RWDD4: variants seen among roughly 807,000 people sequenced by gnomAD.
RWDD4 encodes the protein RWD domain containing 4.
A neutral mutation model predicts 30.0 loss-of-function variants in RWDD4; 16 were observed. The observed-to-expected ratio is 0.53, with a 90% CI of 0.36 to 0.81. The LOEUF is 0.81. Ranked by LOEUF, RWDD4 falls within the 30% of genes least tolerant of loss-of-function variation. The pLI is 0.00. For synonymous variants in RWDD4, 45 were observed against 72.1 expected, an observed-to-expected ratio of 0.62 and a Z score of 1.90; for missense variants, 170 against 223.9, an observed-to-expected ratio of 0.76 and a Z score of 1.54.
chr4:183,648,418 T>C (rs1009029970), intron 5 of RWDD4, among the ~76,000 whole-genome samples: 2 of 152,194 alleles, frequency 1.3e-5, no homozygotes, highest in Non-Finnish European at 2.9e-5. Context: ...GTTTACAGAC[T>C]GTTATCAATT....
chr4:183,651,894 A>G (rs1734084013), intron 2 of RWDD4, among the ~76,000 whole-genome samples: 1 of 152,222 alleles, frequency 6.6e-6, no homozygotes, highest in African/African-American at 2.4e-5. Flanking sequence ...CTAACTTTTT[A>G]TTTAAACATT....
chr4:183,649,582 GAAAT>G lies in RWDD4; in HGVS notation c.364-18_364-15del. 3 of 1,270,632 alleles carry G rather than the reference GAAAT, an allele frequency of 2.4e-6. No homozygotes were observed. The highest frequency in any genetic ancestry group is 4.7e-5 in the East Asian group (2 of 42,298). 78.7% of individuals were successfully genotyped at this position (1,270,632 alleles called of 1,614,324 possible). A position where few individuals can be genotyped will look rare whatever the true frequency, so the allele number is the denominator to read the frequency against. On this transcript the variant is annotated splice_polypyrimidine_tract_variant and intron_variant, in intron 4 of 7. Coordinates refer to ENST00000326397, the MANE Select transcript of RWDD4 (RefSeq NM_152682.4). ...GCTTATCGATGTCTAAAAAAAAAAAGAAATAATTCTCAGCCTCATACCTTACAAC... is the reference window on the plus strand; with the variant it reads ...GCTTATCGATGTCTAAAAAAAAAAAGAATTCTCAGCCTCATACCTTACAAC...
At chr4:183,655,474 TGGG>T (rs1232612391) in intron 2 of RWDD4, among the ~76,000 whole-genome samples, 2 of 147,264 alleles carry the variant, frequency 1.4e-5, no homozygotes, top group Admixed American at 6.7e-5. Flanking sequence ...GTAGAGACAG[TGGG>T]GTTTCACCAT....
chr4:183,642,366 T>G (rs1450818837), intron 7 of RWDD4, among the ~76,000 whole-genome samples: 1 of 93,150 alleles, frequency 1.1e-5, no homozygotes, highest in Non-Finnish European at 2.1e-5. Flanking sequence ...ATTTTTTGTA[T>G]TTTTAGTAGA....
intron 2 of RWDD4, among the ~76,000 whole-genome samples, chr4:183,652,282 G>C (rs982517846): frequency 6.6e-6 from 1 of 151,614 alleles, no homozygotes; most frequent in Non-Finnish European, 1.5e-5. Flanking sequence ...ATAATCCATT[G>C]AGGGATCATG....
At chr4:183,652,756 G>A (rs926714790) in intron 2 of RWDD4, among the ~76,000 whole-genome samples, 2 of 150,256 alleles carry the variant, frequency 1.3e-5, no homozygotes, top group South Asian at 2.1e-4. Flanking sequence ...GTTGCAGTGA[G>A]CCGAGATAGT....
In RWDD4 at chr4:183,651,331, A is replaced by G. The variant is rs1268497408; in HGVS notation, c.106-4T>C. 6.3e-7 allele frequency: 1 copy of G among 1,598,882 alleles called. No homozygotes were observed. The highest frequency in any genetic ancestry group is 2.2e-5 in the East Asian group (1 of 44,816). ...TGGGATCACCATTTTCACCTATCTG[A>G]AGAGAAGGGGAAATCTTAGGCTTGT... On this transcript the variant is annotated splice_region_variant and splice_polypyrimidine_tract_variant and intron_variant, in intron 2 of 7. Transcript: ENST00000326397.
At chr4:183,654,375 T>C (rs1320519375) in intron 2 of RWDD4, among the ~76,000 whole-genome samples, 2 of 152,160 alleles carry the variant, frequency 1.3e-5, no homozygotes, top group Admixed American at 6.6e-5. Context: ...AAAGAAAGTA[T>C]TAAACCGGGG....
At chr4:183,643,293 G>A (rs1242445086) in intron 7 of RWDD4, among the ~76,000 whole-genome samples, 1 of 147,508 alleles carries the variant, frequency 6.8e-6, no homozygotes, top group East Asian at 2.0e-4. Context: ...CAGGCGTGGT[G>A]GCGCATGCCC....
At chr4:183,653,923 A>G (rs1242748456) in intron 2 of RWDD4, among the ~76,000 whole-genome samples, 4 of 152,232 alleles carry the variant, frequency 2.6e-5, no homozygotes, top group Non-Finnish European at 5.9e-5. Context: ...ATAGTTCAAA[A>G]GTAACAAAAC....
intron 1 of RWDD4, among the ~76,000 whole-genome samples, chr4:183,657,317 A>G (rs1734216002): frequency 6.6e-6 from 1 of 152,246 alleles, no homozygotes; most frequent in African/African-American, 2.4e-5. Flanking sequence ...TTGGAACAAA[A>G]ACCTTACTCA....
At chr4:183,655,432 C>T (rs1209440242) in intron 2 of RWDD4, among the ~76,000 whole-genome samples, 3 of 151,894 alleles carry the variant, frequency 2.0e-5, no homozygotes, top group Non-Finnish European at 4.4e-5. Flanking sequence ...CAGGCGCCCG[C>T]CACCATGCCC....
At chr4:183,644,935 A>G (rs1258177310) in intron 7 of RWDD4, among the ~76,000 whole-genome samples, 1 of 152,068 alleles carries the variant, frequency 6.6e-6, no homozygotes, top group African/African-American at 2.4e-5. Context: ...CCCTGTCTCT[A>G]GTAAAAATAA....
chr4:183,652,039 A>ATT (rs932474078), intron 2 of RWDD4, among the ~76,000 whole-genome samples: 1 of 151,924 alleles, frequency 6.6e-6, no homozygotes, highest in Non-Finnish European at 1.5e-5. Context: ...TCCCAATGTG[A>ATT]TTTTTTTCCC....
Position 183,646,507 on chromosome 4 carries a change from T to C in RWDD4, c.512A>G (p.Asn171Ser), listed in dbSNP as rs1733968416. 1 of 1,612,470 alleles carries C rather than the reference T, an allele frequency of 6.2e-7. No homozygotes were observed. The highest frequency in any genetic ancestry group is 1.3e-5 in the African/African-American group (1 of 74,862). ...ATATACCTTCACAACATCAACCCAG[T>C]TCCAGCCTCGAGGAAGTTCTCCTTT... ...DHKGELPRGW[N>S]WVDVVKHLSK... The change falls in exon 6 of 8, where the codon AAC (asparagine) becomes AGC (serine). Residue 171 changes from asparagine (N) to serine (S), a missense_variant. Transcript: ENST00000326397.
At chr4:183,654,923 G>A (rs574559715) in intron 2 of RWDD4, among the ~76,000 whole-genome samples, 4 of 151,898 alleles carry the variant, frequency 2.6e-5, no homozygotes, top group South Asian at 4.2e-4. Flanking sequence ...TCCCCATTCC[G>A]CTACTTATAA....
In RWDD4 at chr4:183,651,043, C is replaced by G. The variant is rs747453048; in HGVS notation, c.304G>C (p.Glu102Gln). 6 of 1,613,312 alleles carry G rather than the reference C, an allele frequency of 3.7e-6. No homozygotes were observed. In the African/African-American group the frequency reaches 6.7e-5, roughly 18 times the overall value. ...LGTAMTYTLF[E>Q]YAKDNKEQFM... ...TGCTCTTTATTGTCTTTGGCATATT[C>G]AAACAATGTATAGGTCATAGCGGTT... The change falls in exon 4 of 8, where the codon GAA (glutamate) becomes CAA (glutamine). Residue 102 changes from glutamate to glutamine, a missense_variant. Glu to Gln is a conservative substitution (Grantham distance 29). Coordinates refer to ENST00000326397, the MANE Select transcript of RWDD4 (RefSeq NM_152682.4).
At chr4:183,650,489 G>A (rs767904036) in intron 4 of RWDD4, among the ~76,000 whole-genome samples, 8 of 152,092 alleles carry the variant, frequency 5.3e-5, no homozygotes, top group South Asian at 4.1e-4. Context: ...GATGCTTAAC[G>A]TCATGAAAGA....
intron 1 of RWDD4, among the ~76,000 whole-genome samples, chr4:183,656,539 G>A (rs529493651): frequency 6.6e-6 from 1 of 152,158 alleles, no homozygotes; most frequent in Non-Finnish European, 1.5e-5. Context: ...TCCTTGCTTG[G>A]ACATAGTTCT....
Sources: gnomAD v4.1 joint callset for allele counts (sites outside exome capture counted in the v4.1 genomes callset) on GRCh38, gnomAD v4.1.1 for gene constraint, MANE v1.5 for transcripts, NCBI Gene and HGNC (gene_info 2026-07-23, HGNC 2026-07-21) for gene names.